OOSP1: variants seen among roughly 807,000 people sequenced by gnomAD.
OOSP1 encodes the protein oocyte secreted protein 1, also known as putative oocyte-secreted protein 1 homolog.
In OOSP1, 11 loss-of-function variants were observed where a neutral mutation model predicts 5.7. The observed-to-expected ratio is 1.94, with a 90% CI of 1.22 to 3.20. The LOEUF is 3.20. Ranked by LOEUF, OOSP1 falls within the 30% of genes most tolerant of loss-of-function variation. The probability of loss-of-function intolerance (pLI) is 0.00; values close to 1 mark genes in which losing one functional copy is unlikely to be tolerated. For synonymous variants in OOSP1, 44 were observed against 20.0 expected (o/e 2.20, Z -3.20); for missense variants, 83 against 54.1 (o/e 1.53, Z -1.67).
chr11:59,938,546 T>C lies in OOSP1; in HGVS notation c.76+16T>C, dbSNP rs1038351183. ...GACTGGTCAGGTATAACTTATCACT[T>C]GGGGAATAGAAGTTTCTTAAAGAGA... On this transcript the variant is annotated intron_variant, in intron 1 of 4. Coordinates refer to ENST00000646685, the Ensembl canonical transcript of OOSP1. 3 of 511,644 alleles carry C rather than the reference T, an allele frequency of 5.9e-6. No homozygotes were observed. The African/African-American group carries it at 5.9e-5, about 10-fold the overall frequency. 31.7% of individuals were successfully genotyped at this position (511,644 alleles called of 1,614,324 possible).
intron 2 of OOSP1, among the ~76,000 whole-genome samples, chr11:59,944,357 GC>G (rs557128255): frequency 0.022 from 117 of 5,206 alleles, 1 homozygote; most frequent in East Asian, 0.055. Context: ...GATATAAACT[GC>G]GGGGGGGGGG....
chr11:59,943,247 T>A (rs1853849705), intron 2 of OOSP1, among the ~76,000 whole-genome samples: 1 of 150,938 alleles, frequency 6.6e-6, no homozygotes, highest in African/African-American at 2.4e-5. Context: ...TTAGGAGATA[T>A]AACTAATGTT....
At chr11:59,938,671 A>T (rs554789797) in intron 1 of OOSP1, 141 bp downstream of exon 1, 104 of 402,774 alleles carry the variant, frequency 2.6e-4, no homozygotes, top group African/African-American at 2.1e-3. Context: ...TTCGATGTGC[A>T]ATCTTGAGAT....
intron 4 of OOSP1, among the ~76,000 whole-genome samples, chr11:59,955,952 T>C (rs1044175031): frequency 6.6e-6 from 1 of 152,176 alleles, no homozygotes; most frequent in Non-Finnish European, 1.5e-5. Context: ...TTTTTATTTA[T>C]TTATTTTCAT....
At chr11:59,943,089 G>A (rs1316898035) in intron 2 of OOSP1, 61 bp downstream of exon 2, 16 of 676,774 alleles carry the variant, frequency 2.4e-5, no homozygotes, top group South Asian at 1.7e-4. Flanking sequence ...TCCCCTTCCT[G>A]TGTCCATGTG....
At chr11:59,940,124 A>T (rs185717633) in intron 1 of OOSP1, among the ~76,000 whole-genome samples, 11 of 152,240 alleles carry the variant, frequency 7.2e-5, no homozygotes, top group African/African-American at 2.7e-4. Flanking sequence ...CAACAAGACA[A>T]CCTAGACCTG....
chr11:59,946,835 T>C (rs1370698470), intron 3 of OOSP1, among the ~76,000 whole-genome samples: 1 of 151,768 alleles, frequency 6.6e-6, no homozygotes, highest in Non-Finnish European at 1.5e-5. Flanking sequence ...TCTTTTTTTT[T>C]TTTTTTATTA....
At chr11:59,942,813 C>A (rs950783430) in intron 1 of OOSP1, 34 bp from the exon 2 acceptor site, 3 of 691,232 alleles carry the variant, frequency 4.3e-6, no homozygotes, top group African/African-American at 1.8e-5. Flanking sequence ...TATGTAATTG[C>A]ATACTAACAA....
chr11:59,953,143 C>T (rs1431417057), intron 4 of OOSP1, among the ~76,000 whole-genome samples: 1 of 152,108 alleles, frequency 6.6e-6, no homozygotes, highest in African/African-American at 2.4e-5. Context: ...TGTCCTTCGT[C>T]TTAGGAACTA....
At chr11:59,956,063 C>T (rs1853991484) in intron 4 of OOSP1, among the ~76,000 whole-genome samples, 1 of 152,122 alleles carries the variant, frequency 6.6e-6, no homozygotes, top group African/African-American at 2.4e-5. Context: ...ACTAGTACAC[C>T]AATCTGTGAC....
intron 1 of OOSP1, among the ~76,000 whole-genome samples, chr11:59,939,444 G>T (rs1331370803): frequency 6.6e-6 from 1 of 151,952 alleles, no homozygotes; most frequent in Non-Finnish European, 1.5e-5. Flanking sequence ...TAGAGACGGG[G>T]TTTTACCATA....
At chr11:59,949,959 C>G (rs1197661474) in intron 4 of OOSP1, among the ~76,000 whole-genome samples, 2 of 151,982 alleles carry the variant, frequency 1.3e-5, no homozygotes, top group African/African-American at 2.4e-5. Flanking sequence ...CTGTATAGAC[C>G]CAGGGATGCT....
intron 3 of OOSP1, 147 bp from the exon 4 acceptor site, chr11:59,947,586 G>A (rs528202497): frequency 1.0e-5 from 4 of 390,822 alleles, no homozygotes; most frequent in East Asian, 3.6e-5. Context: ...GTTCTGGGGT[G>A]GGGTGTGTTG....
chr11:59,939,777 T>G (rs1590889721), intron 1 of OOSP1, among the ~76,000 whole-genome samples: 1 of 151,988 alleles, frequency 6.6e-6, no homozygotes, highest in East Asian at 1.9e-4. Context: ...CTTTCTCATC[T>G]TTCTCTTTCT....
intron 4 of OOSP1, among the ~76,000 whole-genome samples, chr11:59,956,112 C>A (rs950838264): frequency 1.4e-4 from 21 of 152,048 alleles, no homozygotes; most frequent in African/African-American, 4.6e-4. Context: ...ACTTTTGTAG[C>A]AATTGGATAT....
exon 2 of OOSP1, chr11:59,942,949 G>C: frequency 1.4e-6 from 1 of 702,896 alleles, no homozygotes; most frequent in Non-Finnish European, 2.6e-6. Flanking sequence ...CTAGGAGATG[G>C]CTGCCATGTA....
chr11:59,947,982 G>A (rs956997807), intron 4 of OOSP1, 120 bp downstream of exon 4: 11 of 395,128 alleles, frequency 2.8e-5, no homozygotes, highest in African/African-American at 8.2e-5. Flanking sequence ...TGCCTAAAAT[G>A]TTTCCGGTTC....
chr11:59,951,425 A>G (rs1455958204), intron 4 of OOSP1, among the ~76,000 whole-genome samples: 3 of 152,144 alleles, frequency 2.0e-5, no homozygotes, highest in African/African-American at 7.2e-5. Context: ...AGTACATGGT[A>G]AAGCATTAGA....
rs369433311 is a variant in OOSP1, at chr11:59,939,638, T to A, written c.76+1108T>A. Among the ~76,000 whole-genome samples, 299 of 151,476 alleles carry A rather than the reference T, an allele frequency of 2.0e-3. 1 individual carries two copies. The highest frequency in any genetic ancestry group is 6.7e-3 in the African/African-American group (276 of 41,266). Reference sequence around the variant, plus strand: ...CTTCCTCTTCCCTTTCTATTACTCTTCCCTTTCTCTTCCTCTTCTTTCTCT... The same window carrying A: ...CTTCCTCTTCCCTTTCTATTACTCTACCCTTTCTCTTCCTCTTCTTTCTCT... On this transcript the variant is annotated intron_variant, in intron 1 of 4. Transcript: ENST00000646685.
Sources: allele counts gnomAD v4.1 joint callset (sites outside exome capture counted in the v4.1 genomes callset), GRCh38; gene constraint gnomAD v4.1.1; transcripts MANE v1.5; gene names NCBI Gene and HGNC (gene_info 2026-07-23, HGNC 2026-07-21).